The following TMEM132D variants were observed in gnomAD, a reference collection of about 807,000 sequenced individuals.
TMEM132D encodes mature OL transmembrane protein.
A neutral mutation model predicts 62.3 loss-of-function variants in TMEM132D; 21 were observed. That is an observed-to-expected ratio of 0.34 (90% CI 0.24 to 0.49). TMEM132D has a LOEUF of 0.49. Among genes scored for constraint, TMEM132D ranks in the 20% least tolerant of loss-of-function variants. TMEM132D has a pLI of 0.99. For missense variants in TMEM132D, 1,346 were observed against 1,402.8 expected (o/e 0.96, Z 0.65); for synonymous variants, 621 against 575.6 (o/e 1.08, Z -1.13).
chr12:129,073,904 A>G lies in TMEM132D; in HGVS notation c.3271T>C (p.Tyr1091His), dbSNP rs2135601268. The G allele has an allele frequency of 6.4e-7, 1 of 1,558,214 alleles. No individual in the cohort carries two copies. The highest frequency in any genetic ancestry group is 1.2e-5 in the South Asian group (1 of 81,614). Residue 1091 changes from tyrosine (Y) to histidine (H), a missense_variant, in exon 9 of 9, where the codon TAC (tyrosine) becomes CAC (histidine). By Grantham distance (83) the Tyr-to-His change is moderately conservative (BLOSUM62 2). Coordinates refer to ENST00000422113, the MANE Select transcript of TMEM132D (RefSeq NM_133448.3). ...DPGDCKELHN[Y>H]MERLHENV ...ACATTTTCATGTAACCTCTCCATGT[A>G]GTTGTGCAGCTCTTTGCAGTCCCCA...
rs1159244456 is a variant in TMEM132D at position 129,894,740 on chromosome 12, G to C, written c.79+8521C>G. On this transcript the variant is annotated intron_variant, in intron 1 of 8. Coordinates refer to ENST00000422113, the MANE Select transcript of TMEM132D (RefSeq NM_133448.3). ...GCACCTTCCTTGTTGGTTTCTTGTAGTTTCTCTTTTTTTTTTCCTCTGGCA... is the reference window on the plus strand; with the variant it reads ...GCACCTTCCTTGTTGGTTTCTTGTACTTTCTCTTTTTTTTTTCCTCTGGCA... Among the ~76,000 whole-genome samples the C allele has an allele frequency of 1.3e-5, 2 of 150,686 alleles. 1 individual carries two copies. The highest frequency in any genetic ancestry group is 2.9e-5 in the Non-Finnish European group (2 of 67,868).
intron 4 of TMEM132D, among the ~76,000 whole-genome samples, chr12:129,267,570 A>G (rs58985281): frequency 0.09 from 13,715 of 152,222 alleles, 768 homozygotes; most frequent in Admixed American, 0.17. Context: ...ATGCTCATGG[A>G]TAGTAAGAAT....
At chr12:129,317,724 C>T (rs960850877) in intron 4 of TMEM132D, among the ~76,000 whole-genome samples, 23 of 152,168 alleles carry the variant, frequency 1.5e-4, no homozygotes, top group African/African-American at 5.3e-4. Flanking sequence ...CTCAATTTTC[C>T]CCCAAATACG....
chr12:129,366,632 C>T (rs1870422691), intron 3 of TMEM132D, among the ~76,000 whole-genome samples: 1 of 152,184 alleles, frequency 6.6e-6, no homozygotes, highest in Non-Finnish European at 1.5e-5. Flanking sequence ...GCCGTGTGAG[C>T]TCTAGGACCA....
intron 3 of TMEM132D, among the ~76,000 whole-genome samples, chr12:129,368,676 G>A (rs1870501604): frequency 6.6e-6 from 1 of 151,910 alleles, no homozygotes; most frequent in African/African-American, 2.4e-5. Flanking sequence ...CGATGACTGT[G>A]GGCAGTGTTG....
At chr12:129,300,622 CT>C (rs943272844) in intron 4 of TMEM132D, among the ~76,000 whole-genome samples, 1 of 152,102 alleles carries the variant, frequency 6.6e-6, no homozygotes, top group Non-Finnish European at 1.5e-5. Flanking sequence ...CTTCCCTTGT[CT>C]TTTTTTCTTT....
At position 129,436,885 on chromosome 12, in the gene TMEM132D, A is replaced by T. The variant is rs150297620; in HGVS notation, c.1115+94174T>A. Among the ~76,000 whole-genome samples the T allele has an allele frequency of 4.4e-3, 676 of 152,294 alleles. 2 individuals carry two copies. Among genetic ancestry groups the T allele is most frequent in the African/African-American group, 0.015 (631 of 41,566 alleles). On this transcript the variant is annotated intron_variant, in intron 3 of 8. Transcript: ENST00000422113. ...TGAGGAAAAAGCAAGAATGAGATTT[A>T]AAAAGTCTTCATTTTTCCTATAATT...
At chr12:129,636,737 T>TGTGTGTGTGTGTGTGTGTGTGA (rs375868329) in intron 2 of TMEM132D, among the ~76,000 whole-genome samples, 2 of 113,560 alleles carry the variant, frequency 1.8e-5, no homozygotes, top group African/African-American at 6.7e-5. Context: ...TGTGTGTGTG[T>TGTGTGTGTGTGTGTGTGTGTGA]GAGAGAGAGA....
At chr12:129,219,271 T>C (rs2135572591) in intron 4 of TMEM132D, among the ~76,000 whole-genome samples, 1 of 152,258 alleles carries the variant, frequency 6.6e-6, no homozygotes, top group Admixed American at 6.5e-5. Flanking sequence ...TCTGATGGTT[T>C]TATAAATGGG....
At position 129,717,508 on chromosome 12, in the gene TMEM132D, TTAA is replaced by T. The variant is rs527734984; in HGVS notation, c.80-16813_80-16811del. Reference sequence around the variant, plus strand: ...ATAAAATTAATAAAAATATTTAACATTAATAATATATTTAATAAAATCATATTT... The same window carrying T: ...ATAAAATTAATAAAAATATTTAACATTAATATATTTAATAAAATCATATTT... On this transcript the variant is annotated intron_variant, in intron 1 of 8. Coordinates refer to ENST00000422113, the MANE Select transcript of TMEM132D (RefSeq NM_133448.3). Among the ~76,000 whole-genome samples, 474 of 149,426 alleles carry T rather than the reference TTAA, an allele frequency of 3.2e-3. 3 individuals carry two copies. The highest frequency in any genetic ancestry group is 0.011 in the African/African-American group (459 of 41,164).
intron 2 of TMEM132D, among the ~76,000 whole-genome samples, chr12:129,585,242 C>A (rs769923038): frequency 6.6e-6 from 1 of 152,088 alleles, no homozygotes; most frequent in African/African-American, 2.4e-5. Flanking sequence ...GGGAAAAAGC[C>A]AAGAGTGTTA....
intron 2 of TMEM132D, among the ~76,000 whole-genome samples, chr12:129,560,385 G>A (rs1877185305): frequency 6.6e-6 from 1 of 151,098 alleles, no homozygotes; most frequent in South Asian, 2.1e-4. Context: ...TCCTGCCTCA[G>A]CCTCCCGAGT....
At chr12:129,348,856 C>T (rs902094363) in intron 3 of TMEM132D, among the ~76,000 whole-genome samples, 2 of 152,232 alleles carry the variant, frequency 1.3e-5, no homozygotes, top group African/African-American at 2.4e-5. Context: ...AGACCTTCCA[C>T]CACAGCTCCC....
chr12:129,217,144 T>C (rs1879228251), intron 4 of TMEM132D, among the ~76,000 whole-genome samples: 1 of 152,170 alleles, frequency 6.6e-6, no homozygotes, highest in African/African-American at 2.4e-5. Context: ...TAGTGTAATG[T>C]GAGCTGCATC....
intron 5 of TMEM132D, among the ~76,000 whole-genome samples, chr12:129,112,295 G>A (rs942596579): frequency 6.6e-6 from 1 of 152,162 alleles, no homozygotes; most frequent in South Asian, 2.1e-4. Context: ...GCCCATGTAG[G>A]AACCAGGGTT....
At chr12:129,720,665 C>T (rs950826345) in intron 1 of TMEM132D, among the ~76,000 whole-genome samples, 7 of 152,114 alleles carry the variant, frequency 4.6e-5, no homozygotes, top group Non-Finnish European at 8.8e-5. Flanking sequence ...TACATTAGAC[C>T]TCCACTCCAG....
intron 4 of TMEM132D, among the ~76,000 whole-genome samples, chr12:129,328,614 T>C (rs1649182122): frequency 6.6e-6 from 1 of 152,252 alleles, no homozygotes; most frequent in African/African-American, 2.4e-5. Context: ...GAAAAGGCAG[T>C]GGCTTTGTGC....
Position 129,191,208 on chromosome 12 carries a change from T to C in TMEM132D, c.1443+18312A>G, listed in dbSNP as rs148890657. 1.2e-3 allele frequency among the ~76,000 whole-genome samples: 186 copies of C among 152,096 alleles called. 1 individual carries two copies. The highest frequency in any genetic ancestry group is 4.1e-3 in the African/African-American group (172 of 41,458). ...ACTCAAAGCCACCTTTTCAGTGAGG[T>C]ACATATGTTTATAACATATGCTATA... is the stretch of plus-strand genomic sequence containing the variant. On this transcript the variant is annotated intron_variant, in intron 5 of 8. Coordinates refer to ENST00000422113, the MANE Select transcript of TMEM132D (RefSeq NM_133448.3).
intron 1 of TMEM132D, among the ~76,000 whole-genome samples, chr12:129,826,774 A>T (rs1872674501): frequency 6.6e-6 from 1 of 152,176 alleles, no homozygotes. Context: ...GAGGCCTGAG[A>T]CAGCAAGATC....
Sources: gnomAD v4.1 joint callset for allele counts (sites outside exome capture counted in the v4.1 genomes callset) on GRCh38, gnomAD v4.1.1 for gene constraint, MANE v1.5 for transcripts, NCBI Gene and HGNC (gene_info 2026-07-23, HGNC 2026-07-21) for gene names.